The following GRK5 variants were observed in gnomAD, a reference collection of about 807,000 sequenced individuals.
GRK5 encodes the protein G protein-coupled receptor kinase 5.
In GRK5, 40 loss-of-function variants were observed where a neutral mutation model predicts 78.4. The observed-to-expected ratio is 0.51, with a 90% CI of 0.40 to 0.66. The LOEUF (loss-of-function observed/expected upper bound fraction) is 0.66, where lower values mean the gene tolerates loss of function less well. GRK5 is among the 30% of genes least tolerant of loss of function. The pLI, the probability that GRK5 is intolerant of heterozygous loss-of-function variation, is 0.00. For synonymous variants in GRK5, 289 were observed against 296.8 expected (o/e 0.97, Z 0.27); for missense variants, 598 against 759.9 (o/e 0.79, Z 2.50).
At chr10:119,290,867 C>G (rs553422498) in intron 1 of GRK5, among the ~76,000 whole-genome samples, 2 of 152,226 alleles carry the variant, frequency 1.3e-5, no homozygotes, top group South Asian at 4.1e-4. Context: ...GGGCTGGGCT[C>G]CTCTAAGGAG....
chr10:119,423,587 A>G (rs1852614209), intron 5 of GRK5, among the ~76,000 whole-genome samples: 1 of 152,188 alleles, frequency 6.6e-6, no homozygotes, highest in African/African-American at 2.4e-5. Flanking sequence ...CACTGCCACC[A>G]ACCCGAGCCA....
At chr10:119,309,320 A>G (rs776902255) in intron 1 of GRK5, among the ~76,000 whole-genome samples, 16 of 152,222 alleles carry the variant, frequency 1.1e-4, no homozygotes, top group Non-Finnish European at 2.1e-4. Context: ...AGCACCAAGT[A>G]GGTCCTCGAT....
intron 1 of GRK5, among the ~76,000 whole-genome samples, chr10:119,321,356 G>A (rs1349587027): frequency 6.6e-6 from 1 of 152,188 alleles, no homozygotes; most frequent in Non-Finnish European, 1.5e-5. Flanking sequence ...GTATCTTACC[G>A]TTCTGGAGAT....
chr10:119,318,359 G>C (rs979160760), intron 1 of GRK5, among the ~76,000 whole-genome samples: 1 of 152,144 alleles, frequency 6.6e-6, no homozygotes, highest in East Asian at 1.9e-4. Flanking sequence ...ACATGTTACT[G>C]GTGCAAATTC....
intron 2 of GRK5, chr10:119,334,741 C>T (rs2133774647): frequency 6.6e-6 from 1 of 152,112 alleles, no homozygotes; most frequent in African/African-American, 2.4e-5. Flanking sequence ...TTGATTATTC[C>T]ACTGTTTGGC....
At position 119,452,844 on chromosome 10, in the gene GRK5, G is replaced by A. The variant is rs1188899775; in HGVS notation, c.1542+36G>A. The A allele has an allele frequency of 2.5e-6, 4 of 1,584,818 alleles. No homozygotes were observed. The highest frequency in any genetic ancestry group is 3.5e-6 in the Non-Finnish European group (4 of 1,157,272). On this transcript the variant is annotated intron_variant, in intron 14 of 15. Coordinates refer to ENST00000392870, the MANE Select transcript of GRK5 (RefSeq NM_005308.3). The surrounding 1 kb of genome is among the most constrained non-coding windows in gnomAD (Gnocchi z 4.4). ...CAGACCACTTGCTTTGGTCTGGGTG[G>A]GAGGGAGGGACTGACGGGTGGAAGG...
chr10:119,304,884 A>G (rs1850248344), intron 1 of GRK5, among the ~76,000 whole-genome samples: 1 of 150,738 alleles, frequency 6.6e-6, no homozygotes, highest in Non-Finnish European at 1.5e-5. Context: ...TGTTTGGGCA[A>G]CTCCCTCCTT....
chr10:119,290,811 C>G (rs1473041243), intron 1 of GRK5, among the ~76,000 whole-genome samples: 3 of 152,064 alleles, frequency 2.0e-5, no homozygotes, highest in Non-Finnish European at 2.9e-5. Flanking sequence ...CTGCAACAGC[C>G]CTGTGTTGAG....
At position 119,379,606 on chromosome 10, in the gene GRK5, C is replaced by T. The variant is rs1402334625; in HGVS notation, c.149-1209C>T. Among the ~76,000 whole-genome samples, 1 of 152,268 alleles carries T rather than the reference C, an allele frequency of 6.6e-6. No individual in the cohort carries two copies. On this transcript the variant is annotated intron_variant, in intron 2 of 15. Transcript: ENST00000392870. This position sits in a 1 kb window ranked among gnomAD's most constrained non-coding sequence, Gnocchi z 4.1. ...AGTTGCTGTCCTTCCCAGGCTCTAT[C>T]GCCCTCTTCCCTGTTTCCCACGAAC...
intron 1 of GRK5, among the ~76,000 whole-genome samples, chr10:119,316,757 G>A (rs1458275053): frequency 6.6e-6 from 1 of 152,180 alleles, no homozygotes; most frequent in Admixed American, 6.5e-5. Context: ...TTACCAGGAA[G>A]CTCACCCAGG....
chr10:119,384,751 G>A (rs1487466788), intron 3 of GRK5, among the ~76,000 whole-genome samples: 1 of 152,236 alleles, frequency 6.6e-6, no homozygotes, highest in Non-Finnish European at 1.5e-5. Context: ...CAAAGAGCAT[G>A]TGAGGGGCAG....
chr10:119,240,966 G>A (rs995141476), intron 1 of GRK5, among the ~76,000 whole-genome samples: 2 of 152,222 alleles, frequency 1.3e-5, no homozygotes, highest in African/African-American at 2.4e-5. Context: ...AGATGCCCAG[G>A]CCAAAGGGCT....
rs1230875152 is a variant in GRK5 at position 119,448,158 on chromosome 10, C to T, written c.1302C>T (p.Cys434=). The change falls in exon 13 of 16, where the codon TGC becomes TGT. Residue 434 remains cysteine (C), a synonymous_variant. Coordinates refer to ENST00000392870, the MANE Select transcript of GRK5 (RefSeq NM_005308.3). ...AAGATGCGAAGCAGAGGCTGGGCTG[C>T]CAGGAGGAGGGGGCTGCAGAGGTCA... ...LTKDAKQRLG[C]QEEGAAEVKR... is the part of the protein sequence containing the mutation. The T allele has an allele frequency of 1.9e-6, 3 of 1,563,232 alleles. No homozygotes were observed. The highest frequency in any genetic ancestry group is 1.2e-5 in the South Asian group (1 of 83,430).
At chr10:119,222,315 T>TA (rs11428658) in intron 1 of GRK5, among the ~76,000 whole-genome samples, 69,382 of 151,790 alleles carry the variant, frequency 0.46, 18,481 homozygotes, top group East Asian at 0.65. Flanking sequence ...GGTAGATGTG[T>TA]AAATGTATCA....
chr10:119,431,273 C>A lies in GRK5; in HGVS notation c.598-114C>A. ...GAGCACTCATGAAGCCAGGCAGGGC[C>A]GGCTCTGACCCCATCCATTCTCTAC... On this transcript the variant is annotated intron_variant, in intron 7 of 15. Coordinates refer to ENST00000392870, the MANE Select transcript of GRK5 (RefSeq NM_005308.3). This position sits in a 1 kb window ranked among gnomAD's most constrained non-coding sequence, Gnocchi z 4.8. The A allele has an allele frequency of 8.0e-7, 1 of 1,249,032 alleles. No individual in the cohort carries two copies. The highest frequency in any genetic ancestry group is 1.1e-6 in the Non-Finnish European group (1 of 914,888). 77.4% of individuals were successfully genotyped at this position (1,249,032 alleles called of 1,614,324 possible).
At chr10:119,408,363 AG>A (rs1852279589) in intron 4 of GRK5, among the ~76,000 whole-genome samples, 1 of 141,824 alleles carries the variant, frequency 7.1e-6, no homozygotes, top group African/African-American at 2.6e-5. Context: ...AAAAAAAAAA[AG>A]GCAGAAAACA....
rs148677059 is a variant in GRK5 at position 119,442,936 on chromosome 10, G to C, written c.1058-608G>C. 7.2e-4 allele frequency among the ~76,000 whole-genome samples: 110 copies of C among 152,318 alleles called. 2 individuals carry two copies. In the East Asian group the frequency reaches 0.021, roughly 29 times the overall value. ...TGGATGGATGATGGATGATGGATGGGTGGATGATAGATCTGCCTACCTGTG... is the reference window on the plus strand; with the variant it reads ...TGGATGGATGATGGATGATGGATGGCTGGATGATAGATCTGCCTACCTGTG... On this transcript the variant is annotated intron_variant, in intron 11 of 15. Coordinates refer to ENST00000392870, the MANE Select transcript of GRK5 (RefSeq NM_005308.3).
intron 2 of GRK5, among the ~76,000 whole-genome samples, chr10:119,364,368 A>G (rs1444462224): frequency 1.3e-5 from 2 of 152,224 alleles, no homozygotes; most frequent in Admixed American, 1.3e-4. Flanking sequence ...CTTAACCCCA[A>G]GATTGAAGGA....
chr10:119,262,328 GGT>G (rs1849422265), intron 1 of GRK5, among the ~76,000 whole-genome samples: 8 of 110,564 alleles, frequency 7.2e-5, no homozygotes, highest in African/African-American at 2.3e-4. Flanking sequence ...TTTAACTTTG[GGT>G]TTTTTTTTTT....
Sources: allele counts gnomAD v4.1 joint callset (sites outside exome capture counted in the v4.1 genomes callset), GRCh38; gene constraint gnomAD v4.1.1; non-coding constraint Gnocchi (gnomAD v3.1); transcripts MANE v1.5; gene names NCBI Gene and HGNC (gene_info 2026-07-23, HGNC 2026-07-21).